DENND2B: variants seen among roughly 807,000 people sequenced by gnomAD.
DENND2B encodes the protein DENN domain-containing protein 2B.
A neutral mutation model predicts 116.0 loss-of-function variants in DENND2B; 32 were observed. The observed-to-expected ratio is 0.28, with a 90% CI of 0.21 to 0.37. The LOEUF is 0.37. Among genes scored for constraint, DENND2B ranks in the 10% least tolerant of loss-of-function variants. The pLI, the probability that DENND2B is intolerant of heterozygous loss-of-function variation, is 1.00. For synonymous variants in DENND2B, 588 were observed against 583.9 expected, an observed-to-expected ratio of 1.01 and a Z score of -0.10; for missense variants, 1,276 against 1,477.7, an observed-to-expected ratio of 0.86 and a Z score of 2.24.
At chr11:8,846,799 T>C (rs2062830919) in intron 3 of DENND2B, among the ~76,000 whole-genome samples, 1 of 152,196 alleles carries the variant, frequency 6.6e-6, no homozygotes, top group South Asian at 2.1e-4. Flanking sequence ...CCTGCAATAT[T>C]TCTAAACCGC....
At chr11:8,882,000 AT>A (rs78433963) in intron 1 of DENND2B, among the ~76,000 whole-genome samples, 10 of 150,682 alleles carry the variant, frequency 6.6e-5, no homozygotes, top group South Asian at 2.1e-4. Context: ...CTTTAATTGG[AT>A]TTTTTTTTCT....
chr11:8,697,013 G>A (rs1186105391), intron 17 of DENND2B, among the ~76,000 whole-genome samples: 5 of 152,172 alleles, frequency 3.3e-5, no homozygotes, highest in East Asian at 1.9e-4. Context: ...TGATCCACCC[G>A]CCTTGGCCTC....
chr11:8,783,590 T>C (rs924969178), intron 1 of DENND2B, among the ~76,000 whole-genome samples: 3 of 152,226 alleles, frequency 2.0e-5, no homozygotes, highest in African/African-American at 7.2e-5. Flanking sequence ...AATTATGCTA[T>C]AGGGGATTAT....
chr11:8,900,205 C>G (rs896878565), intron 1 of DENND2B, among the ~76,000 whole-genome samples: 2 of 151,446 alleles, frequency 1.3e-5, no homozygotes, highest in African/African-American at 4.9e-5. Context: ...GCGGGTAGAT[C>G]ACAAGGTCAG....
At chr11:8,716,650 CTTT>C (rs5789583) in intron 5 of DENND2B, among the ~76,000 whole-genome samples, 4 of 145,050 alleles carry the variant, frequency 2.8e-5, no homozygotes, top group Non-Finnish European at 4.6e-5. Context: ...GAGGGTAAAT[CTTT>C]TTTTTTTTTT....
intron 1 of DENND2B, among the ~76,000 whole-genome samples, chr11:8,905,083 G>C (rs1342734557): frequency 2.0e-5 from 3 of 151,972 alleles, no homozygotes; most frequent in Non-Finnish European, 4.4e-5. Context: ...GACTGTACTA[G>C]AATATAAAAA....
chr11:8,702,834 C>T lies in DENND2B; in HGVS notation c.2572-114G>A, dbSNP rs1164540783. On this transcript the variant is annotated intron_variant, in intron 13 of 19. Coordinates refer to ENST00000313726, the MANE Select transcript of DENND2B (RefSeq NM_213618.2). This position sits in a 1 kb window ranked among gnomAD's most constrained non-coding sequence, Gnocchi z 4.6. ...CCTTCCAACCTGCTCTTTTCCAGGTCTCTCGTCTACCCTGCTATGCAGTAA... is the reference window on the plus strand; with the variant it reads ...CCTTCCAACCTGCTCTTTTCCAGGTTTCTCGTCTACCCTGCTATGCAGTAA... 1 of 1,323,204 alleles carries T rather than the reference C, an allele frequency of 7.6e-7. No homozygotes were observed. The highest frequency in any genetic ancestry group is 1.5e-5 in the African/African-American group (1 of 68,418). The allele number at this position is 1,323,204 out of a possible 1,614,324, so 82.0% of individuals were successfully genotyped here.
chr11:8,694,522 C>T, intron 19 of DENND2B: 1 of 462,624 alleles, frequency 2.2e-6, no homozygotes, highest in Non-Finnish European at 4.3e-6. Context: ...CATATTCACT[C>T]AGGAAGGAGT....
chr11:8,737,561 A>G (rs1257270291), intron 2 of DENND2B, among the ~76,000 whole-genome samples: 4 of 152,230 alleles, frequency 2.6e-5, no homozygotes, highest in African/African-American at 9.6e-5. Context: ...CAGTGGAGAC[A>G]GAGTACAGAC....
chr11:8,732,683 A>G (rs2048322009), intron 2 of DENND2B, among the ~76,000 whole-genome samples: 1 of 152,262 alleles, frequency 6.6e-6, no homozygotes, highest in Admixed American at 6.5e-5. Context: ...CCATGAGCAT[A>G]CTTCCTCTTG....
At chr11:8,801,689 A>AAG (rs1555198991) in intron 1 of DENND2B, among the ~76,000 whole-genome samples, 43 of 117,690 alleles carry the variant, frequency 3.7e-4, no homozygotes, top group Admixed American at 1.3e-3. Context: ...AAAAAAAAAA[A>AAG]AAAGAAAGAA....
At chr11:8,838,122 T>C (rs190502118) in intron 4 of DENND2B, among the ~76,000 whole-genome samples, 1 of 152,352 alleles carries the variant, frequency 6.6e-6, no homozygotes, top group East Asian at 1.9e-4. Flanking sequence ...CTACATATAT[T>C]ACTTTTATCT....
At chr11:8,751,589 G>A (rs192440313) in intron 1 of DENND2B, among the ~76,000 whole-genome samples, 2,481 of 142,686 alleles carry the variant, frequency 0.017, 73 homozygotes, top group African/African-American at 0.061. Flanking sequence ...AAAAAACTCC[G>A]AACACATCCG....
At chr11:8,753,160 C>T (rs1199218862) in intron 1 of DENND2B, among the ~76,000 whole-genome samples, 3 of 152,090 alleles carry the variant, frequency 2.0e-5, no homozygotes, top group Non-Finnish European at 2.9e-5. Context: ...TAACTTGAAC[C>T]TGGGAGGCAG....
chr11:8,883,881 G>GTTTT (rs2134731599), intron 1 of DENND2B, among the ~76,000 whole-genome samples: 1 of 152,250 alleles, frequency 6.6e-6, no homozygotes, highest in African/African-American at 2.4e-5. Context: ...AAACATTTTT[G>GTTTT]GCTGACTTAA....
At chr11:8,830,636 A>G (rs900992006) in intron 4 of DENND2B, 1 of 152,200 alleles carries the variant, frequency 6.6e-6, no homozygotes, top group Non-Finnish European at 1.5e-5. Flanking sequence ...ATGTTGGGGT[A>G]CAGAGGAAGG....
intron 2 of DENND2B, among the ~76,000 whole-genome samples, chr11:8,859,561 G>A (rs1444615589): frequency 6.6e-6 from 1 of 152,198 alleles, no homozygotes; most frequent in Non-Finnish European, 1.5e-5. Context: ...ACCCGCCTCG[G>A]CCTCCCAAAG....
intron 6 of DENND2B, among the ~76,000 whole-genome samples, chr11:8,715,176 A>T (rs1255092970): frequency 6.6e-6 from 1 of 152,220 alleles, no homozygotes; most frequent in Admixed American, 6.5e-5. Context: ...ATCTGGCTAA[A>T]TCCTGCTGCG....
chr11:8,826,041 T>C (rs1402179331), intron 4 of DENND2B, among the ~76,000 whole-genome samples: 1 of 152,190 alleles, frequency 6.6e-6, no homozygotes, highest in Non-Finnish European at 1.5e-5. Context: ...TTGGAGCCCC[T>C]TAAACTGAGA....
Sources: gnomAD v4.1 joint callset for allele counts (sites outside exome capture counted in the v4.1 genomes callset) on GRCh38, gnomAD v4.1.1 for gene constraint, Gnocchi (gnomAD v3.1) non-coding constraint, MANE v1.5 for transcripts, NCBI Gene and HGNC (gene_info 2026-07-23, HGNC 2026-07-21) for gene names.